Variants in HIVEP2 observed in about 807,000 individuals in gnomAD.
The protein encoded by HIVEP2 is transcription factor HIVEP2.
In HIVEP2, 14 loss-of-function variants were observed where a neutral mutation model predicts 180.7. That is an observed-to-expected ratio of 0.08 (90% CI 0.05 to 0.12). The LOEUF (loss-of-function observed/expected upper bound fraction) is 0.12. Ranked by LOEUF, HIVEP2 falls within the 10% of genes least tolerant of loss-of-function variation. The probability of loss-of-function intolerance (pLI) is 1.00; values close to 1 mark genes in which losing one functional copy is unlikely to be tolerated. For missense variants in HIVEP2, 2,579 were observed against 3,008.5 expected (o/e 0.86, Z 3.34); for synonymous variants, 1,184 against 1,136.4 (o/e 1.04, Z -0.84).
intron 1 of HIVEP2, among the ~76,000 whole-genome samples, chr6:142,868,982 T>C (rs921515135): frequency 6.6e-6 from 1 of 152,178 alleles, no homozygotes; most frequent in Non-Finnish European, 1.5e-5. Context: ...AAGATTTAAA[T>C]ATAATGTTGA....
chr6:142,879,830 G>A (rs989027913), intron 1 of HIVEP2, among the ~76,000 whole-genome samples: 3 of 152,008 alleles, frequency 2.0e-5, no homozygotes, highest in Non-Finnish European at 2.9e-5. Flanking sequence ...CACAGGCTGC[G>A]TTCTGTTTCC....
intron 2 of HIVEP2, among the ~76,000 whole-genome samples, chr6:142,834,138 A>G (rs1371514550): frequency 6.6e-6 from 1 of 152,204 alleles, no homozygotes; most frequent in Non-Finnish European, 1.5e-5. Context: ...AGGTATCCAA[A>G]TAGAATGAAT....
At chr6:142,783,755 T>G (rs1385728685) in intron 2 of HIVEP2, 140 bp from the exon 3 acceptor site, 1 of 152,196 alleles carries the variant, frequency 6.6e-6, no homozygotes, top group Non-Finnish European at 1.5e-5. Flanking sequence ...AAGCTTTTTT[T>G]TTTTGCCCCC....
Position 142,866,386 on chromosome 6 carries a change from A to C in HIVEP2, c.-640-29339T>G, listed in dbSNP as rs549838673. Among the ~76,000 whole-genome samples, 3 of 152,328 alleles carry C rather than the reference A, an allele frequency of 2.0e-5. No homozygotes were observed. In the East Asian group the frequency reaches 5.8e-4, roughly 29 times the overall value. ...TCACTGAGCATAATCATTGATGCTC[A>C]ATAATACTTGGCCATACTTAATTTT... is the stretch of plus-strand genomic sequence containing the variant. On this transcript the variant is annotated intron_variant, in intron 1 of 9. Transcript: ENST00000367603.
At chr6:142,780,976 G>A (rs1330181311) in intron 3 of HIVEP2, among the ~76,000 whole-genome samples, 1 of 152,100 alleles carries the variant, frequency 6.6e-6, no homozygotes, top group Non-Finnish European at 1.5e-5. Flanking sequence ...AAGTATGTTA[G>A]ATAAGGAAAT....
chr6:142,794,836 C>G (rs1041802467), intron 2 of HIVEP2, among the ~76,000 whole-genome samples: 1 of 152,146 alleles, frequency 6.6e-6, no homozygotes, highest in Admixed American at 6.5e-5. Flanking sequence ...AGTTTTGAAG[C>G]CATTTGATCA....
intron 7 of HIVEP2, among the ~76,000 whole-genome samples, chr6:142,762,185 A>G (rs1775260722): frequency 6.6e-6 from 1 of 152,190 alleles, no homozygotes. Context: ...TCTGTCTGGC[A>G]TATGTTAGCA....
At chr6:142,826,398 G>A (rs1774902509) in intron 2 of HIVEP2, among the ~76,000 whole-genome samples, 1 of 152,162 alleles carries the variant, frequency 6.6e-6, no homozygotes, top group South Asian at 2.1e-4. Flanking sequence ...TTCCGACCAT[G>A]ATCACTGGTT....
chr6:142,830,164 A>G (rs1186934083), intron 2 of HIVEP2, among the ~76,000 whole-genome samples: 1 of 152,212 alleles, frequency 6.6e-6, no homozygotes, highest in Non-Finnish European at 1.5e-5. Flanking sequence ...TTGAAAAAGT[A>G]ACTTTAGATA....
chr6:142,907,611 G>A (rs765807537), intron 1 of HIVEP2, among the ~76,000 whole-genome samples: 8 of 152,164 alleles, frequency 5.3e-5, no homozygotes, highest in Non-Finnish European at 1.0e-4. Context: ...CCCTACTCCA[G>A]CAGCCTGTTA....
At chr6:142,804,628 A>C (rs1776499960) in intron 2 of HIVEP2, among the ~76,000 whole-genome samples, 1 of 152,130 alleles carries the variant, frequency 6.6e-6, no homozygotes, top group Non-Finnish European at 1.5e-5. Context: ...CAACTAACCT[A>C]ACTAACCTTT....
intron 2 of HIVEP2, among the ~76,000 whole-genome samples, chr6:142,816,947 G>A (rs760017146): frequency 6.6e-6 from 1 of 152,072 alleles, no homozygotes; most frequent in Admixed American, 6.6e-5. Flanking sequence ...CTCAAAGTGG[G>A]GAGGAGTGGG....
chr6:142,919,464 C>T (rs1443966426), intron 1 of HIVEP2, among the ~76,000 whole-genome samples: 1 of 152,110 alleles, frequency 6.6e-6, no homozygotes, highest in African/African-American at 2.4e-5. Context: ...ACATCAGGAA[C>T]CGTCTATAAA....
intron 2 of HIVEP2, among the ~76,000 whole-genome samples, chr6:142,812,179 A>T (rs1217938852): frequency 1.3e-5 from 2 of 152,196 alleles, no homozygotes; most frequent in African/African-American, 4.8e-5. Context: ...ACAGCACTAC[A>T]CCGAGCGAAA....
At chr6:142,845,875 G>A (rs746592645) in intron 1 of HIVEP2, among the ~76,000 whole-genome samples, 1 of 152,344 alleles carries the variant, frequency 6.6e-6, no homozygotes, top group African/African-American at 2.4e-5. Context: ...CTCGTCTTCC[G>A]CAGACACCAA....
chr6:142,833,504 G>T (rs985555722), intron 2 of HIVEP2, among the ~76,000 whole-genome samples: 2 of 152,168 alleles, frequency 1.3e-5, no homozygotes, highest in African/African-American at 4.8e-5. Flanking sequence ...TTCAGTCAGG[G>T]TTTCAGATGG....
Position 142,772,786 on chromosome 6 carries a change from A to T in HIVEP2, c.1953T>A (p.Ser651=). 6.2e-7 allele frequency: 1 copy of T among 1,614,186 alleles called. No homozygotes were observed. The highest frequency in any genetic ancestry group is 1.7e-5 in the Admixed American group (1 of 60,024). ...CCCTGTAGTTTTGCTTTGGTGTTTC[A>T]GAGTCCTCCCACTTCTTATAGGGTT... The part of the protein sequence containing the change: ...CRKPYKKWED[S]ETPKQNYRDI... The change falls in exon 5 of 10, where the codon TCT becomes TCA. Residue 651 remains serine (S), a synonymous_variant. Transcript: ENST00000367603. This position sits in a 1 kb window ranked among gnomAD's most constrained non-coding sequence, Gnocchi z 4.9.
In HIVEP2 at chr6:142,760,449, G is replaced by T; in HGVS notation, c.5839C>A (p.Pro1947Thr). Residue 1947 changes from proline (P) to threonine (T), a missense_variant, in exon 9 of 10, where the codon CCT becomes ACT. By Grantham distance (38) the Pro-to-Thr change is conservative. Coordinates refer to ENST00000367603, the MANE Select transcript of HIVEP2 (RefSeq NM_006734.4). Reference sequence around the variant, plus strand: ...TGGGGTACGGCGCCAACATTCACAGGCAAGGAGGAGAATCTAGGAGGCTGA... The same window carrying T: ...TGGGGTACGGCGCCAACATTCACAGTCAAGGAGGAGAATCTAGGAGGCTGA... ...SPQPPRFSSL[P>T]VNVGAVPHGV... 2 of 1,614,164 alleles carry T rather than the reference G, an allele frequency of 1.2e-6. No homozygotes were observed. The highest frequency in any genetic ancestry group is 1.1e-5 in the South Asian group (1 of 91,092).
intron 2 of HIVEP2, among the ~76,000 whole-genome samples, chr6:142,818,729 AAAGAAAAGAAAG>A (rs1562249112): frequency 1.4e-4 from 14 of 99,850 alleles, no homozygotes; most frequent in African/African-American, 5.5e-4. Context: ...GAAAAGAAAG[AAAGAAAAGAAAG>A]AAAGAAAGAA....
Sources: gnomAD v4.1 joint callset for allele counts (sites outside exome capture counted in the v4.1 genomes callset) on GRCh38, gnomAD v4.1.1 for gene constraint, Gnocchi (gnomAD v3.1) non-coding constraint, MANE v1.5 for transcripts, NCBI Gene and HGNC (gene_info 2026-07-23, HGNC 2026-07-21) for gene names.